Variants in FBXW8 observed in about 807,000 individuals in gnomAD.
FBXW8 encodes the protein F-box/WD repeat-containing protein 8.
Under a neutral mutation model 65.3 loss-of-function variants are expected in FBXW8, and 57 were observed. The ratio of observed to expected loss-of-function variants is 0.87; its 90% confidence interval spans 0.71 to 1.09. The LOEUF (loss-of-function observed/expected upper bound fraction) is 1.09, where lower values mean the gene tolerates loss of function less well. Among genes scored for constraint, FBXW8 ranks in the 50% least tolerant of loss-of-function variants. The pLI, the probability that FBXW8 is intolerant of heterozygous loss-of-function variation, is 0.00. For missense variants in FBXW8, 777 were observed against 814.8 expected, an observed-to-expected ratio of 0.95 and a Z score of 0.57; for synonymous variants, 308 against 330.2, an observed-to-expected ratio of 0.93 and a Z score of 0.73.
intron 6 of FBXW8, chr12:116,987,342 T>G (rs1234733654): frequency 6.6e-6 from 1 of 152,288 alleles, no homozygotes; most frequent in African/African-American, 2.4e-5. Flanking sequence ...ATGTGTCCTC[T>G]CGTGATTTAC....
chr12:116,974,111 C>A (rs1005371197), intron 5 of FBXW8, among the ~76,000 whole-genome samples: 21 of 152,156 alleles, frequency 1.4e-4, no homozygotes, highest in African/African-American at 4.8e-4. Flanking sequence ...TGGTGGCCTC[C>A]CTGACTTGAG....
At chr12:117,021,411 T>C (rs1954091519) in intron 8 of FBXW8, among the ~76,000 whole-genome samples, 3 of 152,314 alleles carry the variant, frequency 2.0e-5, no homozygotes, top group Admixed American at 2.0e-4. Flanking sequence ...TTTCTGATTG[T>C]TCCCCCCAAT....
At chr12:116,945,009 A>G (rs1490535959) in intron 2 of FBXW8, among the ~76,000 whole-genome samples, 1 of 152,238 alleles carries the variant, frequency 6.6e-6, no homozygotes, top group Admixed American at 6.5e-5. Context: ...GTCAAAAGTA[A>G]AGAGATTCCA....
chr12:117,027,813 C>T (rs1207563553), intron 10 of FBXW8, among the ~76,000 whole-genome samples: 1 of 152,236 alleles, frequency 6.6e-6, no homozygotes, highest in Non-Finnish European at 1.5e-5. Flanking sequence ...AGTCCTTGCC[C>T]TGTGACACTC....
At chr12:116,940,005 T>G (rs1229456573) in intron 2 of FBXW8, among the ~76,000 whole-genome samples, 3 of 152,222 alleles carry the variant, frequency 2.0e-5, no homozygotes, top group Non-Finnish European at 4.4e-5. Flanking sequence ...AAACTGGAGC[T>G]CCAGCATTGC....
intron 5 of FBXW8, among the ~76,000 whole-genome samples, chr12:116,967,598 C>T (rs1253536976): frequency 6.6e-6 from 1 of 152,188 alleles, no homozygotes; most frequent in Non-Finnish European, 1.5e-5. Flanking sequence ...TACATGTGGA[C>T]ATCTTTTCTT....
At chr12:117,027,164 C>T (rs7977227) in intron 9 of FBXW8, among the ~76,000 whole-genome samples, 4,091 of 152,280 alleles carry the variant, frequency 0.027, 177 homozygotes, top group African/African-American at 0.087. Flanking sequence ...AGCATGCGTA[C>T]GGGGCATGCA....
intron 5 of FBXW8, among the ~76,000 whole-genome samples, chr12:116,983,008 C>T (rs904300549): frequency 2.6e-5 from 4 of 152,148 alleles, no homozygotes; most frequent in Non-Finnish European, 4.4e-5. Context: ...TTTAACCGCT[C>T]GGTGCTTCTG....
chr12:116,966,706 A>G (rs1342845001), intron 5 of FBXW8, among the ~76,000 whole-genome samples: 1 of 152,064 alleles, frequency 6.6e-6, no homozygotes, highest in Non-Finnish European at 1.5e-5. Context: ...CAATGTAGGC[A>G]TGATAAAGAA....
chr12:117,029,459 A>C lies in FBXW8; in HGVS notation c.*1287A>C, dbSNP rs1213054074. ...AAGCACAGAATACAAAACCCAGGGG[A>C]TGGGGCTGGGAGGGGCTGTGAGGGG... On this transcript the variant is annotated 3_prime_UTR_variant, in exon 11 of 11. Transcript: ENST00000652555. The C allele has an allele frequency of 6.6e-6, 1 of 151,370 alleles. No homozygotes were observed. The highest frequency in any genetic ancestry group is 1.9e-4 in the East Asian group (1 of 5,186). The allele number at this position is 151,370 out of a possible 1,614,324, so 9.4% of individuals were successfully genotyped here.
At chr12:116,952,213 T>C (rs1370356083) in intron 4 of FBXW8, among the ~76,000 whole-genome samples, 2 of 152,216 alleles carry the variant, frequency 1.3e-5, no homozygotes, top group Non-Finnish European at 2.9e-5. Context: ...TGGCCATTCA[T>C]GTACCCTAGG....
At chr12:116,965,535 T>C (rs372043633) in intron 5 of FBXW8, among the ~76,000 whole-genome samples, 1 of 152,168 alleles carries the variant, frequency 6.6e-6, no homozygotes. Context: ...TCCGTTATGT[T>C]GTGAAGTGTT....
chr12:116,983,529 A>G (rs1885460157), intron 5 of FBXW8, among the ~76,000 whole-genome samples: 1 of 152,202 alleles, frequency 6.6e-6, no homozygotes. Context: ...ATTTTCTTCC[A>G]ATTCTCTATA....
chr12:116,923,731 T>C (rs1230921788), intron 1 of FBXW8, among the ~76,000 whole-genome samples: 2 of 151,536 alleles, frequency 1.3e-5, no homozygotes, highest in African/African-American at 4.9e-5. Flanking sequence ...TATTTATTTA[T>C]TTATTTTGAG....
In FBXW8 at chr12:117,015,090, C is replaced by T. The variant is rs182822374; in HGVS notation, c.1367+4640C>T. Among the ~76,000 whole-genome samples, 39 of 152,286 alleles carry T rather than the reference C, an allele frequency of 2.6e-4. No individual in the cohort carries two copies. The East Asian group carries it at 6.8e-3, about 26-fold the overall frequency. ...CCCTATTCTTTGAGGACGGCAGGGG[C>T]CCCCTTTTGTTCCTCTAGTCAGAAA... On this transcript the variant is annotated intron_variant, in intron 8 of 10. Transcript: ENST00000652555.
chr12:116,922,811 TG>T (rs370605033), intron 1 of FBXW8, among the ~76,000 whole-genome samples: 8 of 144,086 alleles, frequency 5.6e-5, no homozygotes, highest in Admixed American at 6.8e-5. Context: ...TGTGTGTGTG[TG>T]TTTTTTTTCC....
At position 116,939,484 on chromosome 12, in the gene FBXW8, T is replaced by G. The variant is rs183842657; in HGVS notation, c.424-5880T>G. On this transcript the variant is annotated intron_variant, in intron 2 of 10. Coordinates refer to ENST00000652555, the MANE Select transcript of FBXW8 (RefSeq NM_153348.3). The stretch of plus-strand genomic sequence containing the variant: ...AGCTCATTTGAGCGTGGAATCCTTT[T>G]CTAAGGAACTTATTAACACCTGGAG... 3.3e-5 allele frequency among the ~76,000 whole-genome samples: 5 copies of G among 152,340 alleles called. No homozygotes were observed. The East Asian group carries it at 9.6e-4, about 29-fold the overall frequency.
chr12:116,932,633 T>C (rs779182232), intron 2 of FBXW8, among the ~76,000 whole-genome samples: 36 of 152,178 alleles, frequency 2.4e-4, no homozygotes, highest in Non-Finnish European at 2.6e-4. Flanking sequence ...CCTCCCAGGT[T>C]CAAGCTATTC....
chr12:116,957,911 C>G (rs1883749782), intron 4 of FBXW8, among the ~76,000 whole-genome samples: 2 of 152,168 alleles, frequency 1.3e-5, no homozygotes, highest in Admixed American at 1.3e-4. Context: ...TTTATTATAT[C>G]TTTAATGAAG....
Sources: gnomAD v4.1 joint callset for allele counts (sites outside exome capture counted in the v4.1 genomes callset) on GRCh38, gnomAD v4.1.1 for gene constraint, MANE v1.5 for transcripts, NCBI Gene and HGNC (gene_info 2026-07-23, HGNC 2026-07-21) for gene names.